The following GSN variants were observed in gnomAD, a reference collection of about 807,000 sequenced individuals.
GSN encodes the protein gelsolin, also known as actin-depolymerizing factor.
A neutral mutation model predicts 85.7 loss-of-function variants in GSN; 56 were observed. That is an observed-to-expected ratio of 0.65 (90% confidence interval 0.53 to 0.82). The LOEUF is 0.82. Among genes scored for constraint, GSN ranks in the 40% least tolerant of loss-of-function variants. The pLI is 0.00. For synonymous variants in GSN, 373 were observed against 399.1 expected, an observed-to-expected ratio of 0.93 and a Z score of 0.78; for missense variants, 857 against 979.8, an observed-to-expected ratio of 0.87 and a Z score of 1.67.
chr9:121,311,206 C>G (rs1412314425), intron 5 of GSN: 13 of 346,948 alleles, frequency 3.7e-5, no homozygotes, highest in Non-Finnish European at 7.2e-5. Context: ...CACATGTATA[C>G]TCGGGTATGT....
chr9:121,217,761 TAATTA>T (rs1588413691), intron 4 of GSN, among the ~76,000 whole-genome samples: 2 of 150,366 alleles, frequency 1.3e-5, no homozygotes, highest in East Asian at 3.9e-4. Flanking sequence ...TTTTTAAATT[TAATTA>T]AATTTTTAAA....
At chr9:121,303,906 C>T (rs767752568) in intron 4 of GSN, among the ~76,000 whole-genome samples, 2 of 152,164 alleles carry the variant, frequency 1.3e-5, no homozygotes, top group Non-Finnish European at 2.9e-5. Flanking sequence ...CTCATTTTAC[C>T]AGGGGAGAAG....
At chr9:121,255,170 C>T (rs1235097168) in intron 6 of GSN, among the ~76,000 whole-genome samples, 1 of 152,090 alleles carries the variant, frequency 6.6e-6, no homozygotes, top group East Asian at 1.9e-4. Context: ...GGATGGTCTC[C>T]ATCTCCTCAC....
intron 12 of GSN, 40 bp downstream of exon 12, chr9:121,324,684 C>G (rs1219427580): frequency 1.0e-6 from 1 of 967,394 alleles, no homozygotes; most frequent in Non-Finnish European, 1.6e-6. Context: ...GCAGCCTGAG[C>G]CTTGTCCTTC....
chr9:121,279,832 G>A (rs2057135802), intron 1 of GSN: 1 of 152,204 alleles, frequency 6.6e-6, no homozygotes, highest in Non-Finnish European at 1.5e-5. Flanking sequence ...GTCATTTGCA[G>A]AAACAACAGA....
intron 1 of GSN, chr9:121,279,947 G>A (rs2132556584): frequency 6.6e-6 from 1 of 152,362 alleles, no homozygotes; most frequent in South Asian, 2.1e-4. Context: ...CCAGATAAGT[G>A]TCTGGCCTCT....
intron 16 of GSN, among the ~76,000 whole-genome samples, chr9:121,330,439 G>A (rs1261321507): frequency 6.6e-6 from 1 of 152,154 alleles, no homozygotes; most frequent in East Asian, 1.9e-4. Context: ...GCCAGGCTTG[G>A]TGGTGGGTGC....
At chr9:121,222,313 A>ATAATTT (rs909198836) in intron 4 of GSN, 1 of 152,230 alleles carries the variant, frequency 6.6e-6, no homozygotes, top group Non-Finnish European at 1.5e-5. Context: ...AGAAATAGTT[A>ATAATTT]TAATTTTTAA....
chr9:121,313,624 C>T lies in GSN; in HGVS notation c.664-310C>T, dbSNP rs564001872. On this transcript the variant is annotated intron_variant, in intron 6 of 17. Transcript: ENST00000432226. The stretch of plus-strand genomic sequence containing the variant: ...TGCAGTGACATCTTTTAAAGGTAGG[C>T]GGTAGAAGGTGTTCAGTAGCTATAG... 1.0e-4 allele frequency: 43 copies of T among 427,684 alleles called. 1 individual carries two copies. Among genetic ancestry groups the T allele is most frequent in the South Asian group, 7.5e-4 (34 of 45,618 alleles). The allele number at this position is 427,684 out of a possible 1,614,324, so 26.5% of individuals were successfully genotyped here.
chr9:121,239,345 C>A (rs1011489205), intron 5 of GSN: 1 of 441,038 alleles, frequency 2.3e-6, no homozygotes. Flanking sequence ...GGGTCATTAG[C>A]CAAGTTCAAA....
At chr9:121,208,615 G>T (rs997501434) in intron 1 of GSN, among the ~76,000 whole-genome samples, 3 of 152,222 alleles carry the variant, frequency 2.0e-5, no homozygotes, top group Admixed American at 6.5e-5. Context: ...GGGAGAAAAA[G>T]AAGTAGATAG....
chr9:121,286,121 A>T, intron 2 of GSN: 1 of 1,535,594 alleles, frequency 6.5e-7, no homozygotes, highest in Non-Finnish European at 8.7e-7. Context: ...GGAGAGGCCC[A>T]CATAGCTCCC....
chr9:121,281,832 T>C (rs1290248677), intron 2 of GSN: 2 of 471,106 alleles, frequency 4.2e-6, no homozygotes, highest in African/African-American at 4.0e-5. Context: ...GCTGTGCTGG[T>C]TGCTTGCTAT....
chr9:121,273,000 G>A (rs959487613), intron 1 of GSN, among the ~76,000 whole-genome samples: 8 of 152,114 alleles, frequency 5.3e-5, no homozygotes, highest in Admixed American at 6.5e-5. Context: ...CTCCTCCCTT[G>A]CTTGCTCTGC....
At position 121,332,699 on chromosome 9, in the gene GSN, A is replaced by AGTGTGTGT. The variant is rs147410423; in HGVS notation, c.*109_*116dup. On this transcript the variant is annotated 3_prime_UTR_variant, in exon 18 of 18. Transcript: ENST00000432226. The surrounding 1 kb of genome is among the most constrained non-coding windows in gnomAD (Gnocchi z 4.8). ...GAGCGAGCAGAGCAGCTCTGCTATG[A>AGTGTGTGT]GTGTGTGTGTGTGTGTGTGTTGTTT... 11 of 707,426 alleles carry AGTGTGTGT rather than the reference A, an allele frequency of 1.6e-5. No individual in the cohort carries two copies. In the Admixed American group the frequency reaches 1.6e-4, roughly 11 times the overall value. 43.8% of individuals were successfully genotyped at this position (707,426 alleles called of 1,614,324 possible). A position where few individuals can be genotyped will look rare whatever the true frequency, so the allele number is the denominator to read the frequency against.
chr9:121,303,295 G>A (rs1471697692), intron 4 of GSN, among the ~76,000 whole-genome samples: 1 of 152,174 alleles, frequency 6.6e-6, no homozygotes, highest in Non-Finnish European at 1.5e-5. Context: ...AAAATGGGGA[G>A]AAGAAAATTC....
At chr9:121,278,809 G>T (rs1170845183) in intron 1 of GSN, among the ~76,000 whole-genome samples, 4 of 152,316 alleles carry the variant, frequency 2.6e-5, no homozygotes, top group Non-Finnish European at 5.9e-5. Context: ...GAGTTAGCTG[G>T]GGCTAATTCT....
Position 121,302,142 on chromosome 9 carries a change from G to T in GSN, c.171G>T (p.Leu57=), listed in dbSNP as rs1436697135. ...LKTVQLRNGN[L]QYDLHYWLGN... Reference sequence around the variant, plus strand: ...CAGTGCAGCTGAGGAACGGAAATCTGCAGTATGACCTCCACTACTGGCTGG... The same window carrying T: ...CAGTGCAGCTGAGGAACGGAAATCTTCAGTATGACCTCCACTACTGGCTGG... The change falls in exon 3 of 18, where the codon CTG becomes CTT. Residue 57 remains leucine (L), a synonymous_variant. Coordinates refer to ENST00000432226, the MANE Select transcript of GSN (RefSeq NM_198252.3). 6.2e-7 allele frequency: 1 copy of T among 1,614,142 alleles called. No individual in the cohort carries two copies. The highest frequency in any genetic ancestry group is 8.5e-7 in the Non-Finnish European group (1 of 1,179,996).
intron 2 of GSN, among the ~76,000 whole-genome samples, chr9:121,295,165 T>A (rs1354061925): frequency 1.3e-5 from 2 of 152,200 alleles, no homozygotes; most frequent in Non-Finnish European, 2.9e-5. Context: ...ATCCTGGGCT[T>A]CCTCACTGCT....
Sources: gnomAD v4.1 joint callset for allele counts (sites outside exome capture counted in the v4.1 genomes callset) on GRCh38, gnomAD v4.1.1 for gene constraint, Gnocchi (gnomAD v3.1) non-coding constraint, MANE v1.5 for transcripts, NCBI Gene and HGNC (gene_info 2026-07-23, HGNC 2026-07-21) for gene names.